Variants in LMX1A observed in about 807,000 individuals in gnomAD.
The protein encoded by LMX1A is LIM homeobox transcription factor 1 alpha.
Under a neutral mutation model 49.1 loss-of-function variants are expected in LMX1A, and 15 were observed. The ratio of observed to expected loss-of-function variants is 0.31; its 90% CI spans 0.20 to 0.47. The LOEUF is 0.47. LMX1A is among the 20% of genes least tolerant of loss of function. LMX1A has a pLI of 1.00. For synonymous variants in LMX1A, 167 were observed against 185.7 expected (o/e 0.90, Z 0.82); for missense variants, 372 against 475.8 (o/e 0.78, Z 2.03).
chr1:165,290,588 C>G (rs909170815), intron 3 of LMX1A, among the ~76,000 whole-genome samples: 1 of 152,210 alleles, frequency 6.6e-6, no homozygotes, highest in East Asian at 1.9e-4. Flanking sequence ...ATCTTTTGGA[C>G]CTGATGTCTT....
intron 4 of LMX1A, among the ~76,000 whole-genome samples, chr1:165,242,693 G>A (rs1435512145): frequency 2.0e-5 from 3 of 151,174 alleles, no homozygotes; most frequent in Admixed American, 1.3e-4. Flanking sequence ...TGCCTAACAT[G>A]GTGAAACCCC....
chr1:165,342,370 C>T (rs950896014), intron 3 of LMX1A, among the ~76,000 whole-genome samples: 4 of 152,106 alleles, frequency 2.6e-5, no homozygotes, highest in African/African-American at 7.2e-5. Context: ...CTGGAAGCTC[C>T]GGATATGATA....
chr1:165,294,409 T>C (rs1654558994), intron 3 of LMX1A, among the ~76,000 whole-genome samples: 2 of 152,124 alleles, frequency 1.3e-5, no homozygotes, highest in South Asian at 2.1e-4. Flanking sequence ...GTGTGAGCCA[T>C]AGTTGGAAAG....
chr1:165,255,660 C>T (rs1375451664), intron 3 of LMX1A, among the ~76,000 whole-genome samples: 1 of 152,158 alleles, frequency 6.6e-6, no homozygotes, highest in African/African-American at 2.4e-5. Flanking sequence ...CCTCAAACAT[C>T]GTTCTTGTTG....
chr1:165,332,514 T>C (rs1362017243), intron 3 of LMX1A, among the ~76,000 whole-genome samples: 1 of 152,218 alleles, frequency 6.6e-6, no homozygotes, highest in Non-Finnish European at 1.5e-5. Flanking sequence ...TGATTCCACA[T>C]GTATATGAGT....
intron 4 of LMX1A, among the ~76,000 whole-genome samples, chr1:165,221,285 G>A (rs576577250): frequency 3.5e-4 from 53 of 150,082 alleles, no homozygotes; most frequent in Middle Eastern, 6.3e-3. Context: ...TTTCTGGAGG[G>A]GGTGAAAGGT....
intron 6 of LMX1A, among the ~76,000 whole-genome samples, chr1:165,210,335 G>A (rs1651325782): frequency 6.6e-6 from 1 of 152,156 alleles, no homozygotes; most frequent in South Asian, 2.1e-4. Flanking sequence ...AATTGTCTTG[G>A]ACCAGTTATA....
At chr1:165,221,318 A>G (rs1571156688) in intron 4 of LMX1A, among the ~76,000 whole-genome samples, 3 of 152,200 alleles carry the variant, frequency 2.0e-5, no homozygotes, top group Admixed American at 2.0e-4. Flanking sequence ...CCTGCTGGAA[A>G]AGCCATTCTT....
At chr1:165,246,872 T>A (rs1405802495) in intron 4 of LMX1A, among the ~76,000 whole-genome samples, 1 of 152,142 alleles carries the variant, frequency 6.6e-6, no homozygotes, top group Non-Finnish European at 1.5e-5. Flanking sequence ...GTCAACTGAA[T>A]TAATACATGA....
intron 3 of LMX1A, among the ~76,000 whole-genome samples, chr1:165,325,358 T>C (rs72687715): frequency 0.15 from 22,530 of 152,234 alleles, 2,223 homozygotes; most frequent in Non-Finnish European, 0.22. Flanking sequence ...TTGTGTATTT[T>C]GTACCAATGA....
At chr1:165,251,204 T>C (rs1346170586) in intron 3 of LMX1A, among the ~76,000 whole-genome samples, 2 of 151,964 alleles carry the variant, frequency 1.3e-5, no homozygotes, top group Non-Finnish European at 2.9e-5. Context: ...TGCCTCAGCC[T>C]TCTGAGTAGC....
At chr1:165,224,890 C>A (rs1468461538) in intron 4 of LMX1A, among the ~76,000 whole-genome samples, 2 of 152,206 alleles carry the variant, frequency 1.3e-5, no homozygotes, top group African/African-American at 4.8e-5. Flanking sequence ...CAATCTGAAT[C>A]TCTTTCACAT....
intron 4 of LMX1A, among the ~76,000 whole-genome samples, chr1:165,223,909 G>A (rs945522939): frequency 1.3e-5 from 2 of 152,126 alleles, no homozygotes; most frequent in African/African-American, 4.8e-5. Context: ...AGATGCTTTG[G>A]ACTCAAATAT....
At chr1:165,310,061 T>C (rs1655031479) in intron 3 of LMX1A, among the ~76,000 whole-genome samples, 1 of 152,230 alleles carries the variant, frequency 6.6e-6, no homozygotes, top group Admixed American at 6.5e-5. Flanking sequence ...CCCAGTATTA[T>C]AACTAAAGGG....
chr1:165,217,753 T>A (rs1445791422), intron 4 of LMX1A, among the ~76,000 whole-genome samples: 1 of 152,224 alleles, frequency 6.6e-6, no homozygotes, highest in African/African-American at 2.4e-5. Context: ...ACAGTTCAAA[T>A]CCATGTTGCT....
intron 4 of LMX1A, among the ~76,000 whole-genome samples, chr1:165,247,048 C>CTTTTTTTTTTTTTTTTTTT (rs1204141626): frequency 9.3e-5 from 2 of 21,422 alleles, no homozygotes; most frequent in Non-Finnish European, 8.0e-5. Flanking sequence ...ATCAGATCAG[C>CTTTTTTTTTTTTTTTTTTT]TTTTTCTTTT....
chr1:165,256,322 C>T (rs1653242101), intron 3 of LMX1A, among the ~76,000 whole-genome samples: 3 of 152,126 alleles, frequency 2.0e-5, no homozygotes, highest in African/African-American at 4.8e-5. Flanking sequence ...AAAGCCACCA[C>T]CTTTCCCTGA....
At chr1:165,277,842 T>C (rs1031373512) in intron 3 of LMX1A, among the ~76,000 whole-genome samples, 19 of 152,210 alleles carry the variant, frequency 1.2e-4, no homozygotes, top group African/African-American at 4.6e-4. Context: ...GTCACATAAA[T>C]GAAGAAATAA....
At chr1:165,327,644 C>T (rs1004404487) in intron 3 of LMX1A, among the ~76,000 whole-genome samples, 13 of 152,298 alleles carry the variant, frequency 8.5e-5, no homozygotes, top group Middle Eastern at 3.4e-3. Context: ...TCAGGTTTCT[C>T]GTCCCACAGC....
Sources: allele counts gnomAD v4.1 joint callset (sites outside exome capture counted in the v4.1 genomes callset), GRCh38; gene constraint gnomAD v4.1.1; transcripts MANE v1.5; gene names NCBI Gene and HGNC (gene_info 2026-07-23, HGNC 2026-07-21).